Variants in KIR3DL3 observed in about 807,000 individuals in gnomAD.
The protein encoded by KIR3DL3 is killer cell immunoglobulin like receptor, three Ig domains and long cytoplasmic tail 3, also known as killer cell immunoglobulin-like receptor 3DL3.
A neutral mutation model predicts 34.9 loss-of-function variants in KIR3DL3; 27 were observed. The observed-to-expected ratio is 0.77, with a 90% CI of 0.57 to 1.07. KIR3DL3 has a LOEUF of 1.07. Ranked by LOEUF, KIR3DL3 falls within the 50% of genes least tolerant of loss-of-function variation. The pLI, the probability that KIR3DL3 is intolerant of heterozygous loss-of-function variation, is 0.00. For synonymous variants in KIR3DL3, 217 were observed against 200.2 expected, an observed-to-expected ratio of 1.08 and a Z score of -0.71; for missense variants, 681 against 528.5, an observed-to-expected ratio of 1.29 and a Z score of -2.83.
At chr19:54,731,770 G>T (rs2068820963) in intron 5 of KIR3DL3, among the ~76,000 whole-genome samples, 1 of 151,704 alleles carries the variant, frequency 6.6e-6, no homozygotes, top group Non-Finnish European at 1.5e-5. Context: ...CTTCCTCAAA[G>T]CCCACAAAGG....
In KIR3DL3 at chr19:54,729,540, C is replaced by T; in HGVS notation, c.703C>T (p.Gln235Ter). The change falls in exon 5 of 8, where the codon CAG becomes TAG. Residue 235 changes from glutamine (Q) to a stop codon, truncating the protein, a stop_gained. Coordinates refer to ENST00000291860, the MANE Select transcript of KIR3DL3 (RefSeq NM_153443.5). LOFTEE classifies it high-confidence loss of function. ...CTCAGCCCAGCCGGGCCCCACGGTT[C>T]AGGCAGGAGAGAATGTGACCTTGTC... ...SLSAQPGPTV[Q>*]AGENVTLSCS... 3.1e-6 allele frequency: 5 copies of T among 1,607,210 alleles called. No individual in the cohort carries two copies. The highest frequency in any genetic ancestry group is 4.2e-6 in the Non-Finnish European group (5 of 1,178,554).
chr19:54,729,114 G>GATAC (rs2068514970), intron 4 of KIR3DL3, among the ~76,000 whole-genome samples: 1 of 148,732 alleles, frequency 6.7e-6, no homozygotes, highest in Non-Finnish European at 1.5e-5. Context: ...ATAGATGATA[G>GATAC]ATACATACAT....
rs636129 is a variant in KIR3DL3, at chr19:54,730,241, G to T, written c.949+455G>T. On this transcript the variant is annotated intron_variant, in intron 5 of 7. Coordinates refer to ENST00000291860, the MANE Select transcript of KIR3DL3 (RefSeq NM_153443.5). Reference sequence around the variant, plus strand: ...TTTACCACCTTTACCATTTTTAAGTGTGAAGTCTACTGTTCATAAATACAT... The same window carrying T: ...TTTACCACCTTTACCATTTTTAAGTTTGAAGTCTACTGTTCATAAATACAT... Among the ~76,000 whole-genome samples, 1,164 of 151,194 alleles carry T rather than the reference G, an allele frequency of 7.7e-3. 8 individuals carry two copies. The highest frequency in any genetic ancestry group is 0.013 in the Non-Finnish European group (911 of 67,844).
At chr19:54,725,591 C>A (rs2068075552) in intron 2 of KIR3DL3, among the ~76,000 whole-genome samples, 2 of 152,224 alleles carry the variant, frequency 1.3e-5, no homozygotes, top group Middle Eastern at 3.4e-3. Flanking sequence ...GTGCAAGGAA[C>A]AACAGGCCTC....
Position 54,725,231 on chromosome 19 carries a change from T to A in KIR3DL3, c.35-16T>A. 1.3e-6 allele frequency: 2 copies of A among 1,590,526 alleles called. No homozygotes were observed. Among genetic ancestry groups the A allele is most frequent in the Non-Finnish European group, 1.7e-6 (2 of 1,167,696 alleles). On this transcript the variant is annotated splice_polypyrimidine_tract_variant and intron_variant, in intron 1 of 7. Coordinates refer to ENST00000291860, the MANE Select transcript of KIR3DL3 (RefSeq NM_153443.5). ...TGATGTACAGATGGATCATCCATCA[T>A]GATCTTTCTTTCCAGGGTTCTTCTT...
intron 5 of KIR3DL3, among the ~76,000 whole-genome samples, chr19:54,730,282 G>A (rs1352707296): frequency 4.0e-5 from 6 of 149,722 alleles, no homozygotes; most frequent in Non-Finnish European, 5.9e-5. Context: ...GGCTGGGCAC[G>A]GTGGCTCACG....
chr19:54,724,492 G>A lies in KIR3DL3; in HGVS notation c.-5G>A. Reference sequence around the variant, plus strand: ...GCGCAGCCGCCTGTCTGCACCGGCAGCACCATGTCGCTCATGGTCGTCAGC... The same window carrying A: ...GCGCAGCCGCCTGTCTGCACCGGCAACACCATGTCGCTCATGGTCGTCAGC... On this transcript the variant is annotated 5_prime_UTR_variant, in exon 1 of 8. Transcript: ENST00000291860. 3.1e-6 allele frequency: 5 copies of A among 1,613,090 alleles called. No homozygotes were observed. The highest frequency in any genetic ancestry group is 2.2e-5 in the South Asian group (2 of 91,056).
At chr19:54,735,434 C>T (rs1187717933) in intron 6 of KIR3DL3, 77 bp downstream of exon 6, 6 of 727,594 alleles carry the variant, frequency 8.2e-6, no homozygotes, top group African/African-American at 5.8e-5. Context: ...GGTGTGTGTT[C>T]CTCACAGACT....
Position 54,725,250 on chromosome 19 carries a change from T to G in KIR3DL3, c.38T>G (p.Phe13Cys). ...LMVVSMACVG[F>C]FLLEGPWPHV... ...CCATCATGATCTTTCTTTCCAGGGT[T>G]CTTCTTGCTGGAGGGGCCCTGGCCA... Residue 13 changes from phenylalanine to cysteine, a missense_variant, in exon 2 of 8, where the codon TTC (phenylalanine) becomes TGC (cysteine). Phe to Cys is a radical substitution (Grantham distance 205). Transcript: ENST00000291860. 1 of 1,587,336 alleles carries G rather than the reference T, an allele frequency of 6.3e-7. No individual in the cohort carries two copies. The highest frequency in any genetic ancestry group is 8.6e-7 in the Non-Finnish European group (1 of 1,164,680).
At position 54,736,024 on chromosome 19, in the gene KIR3DL3, C is replaced by G. The variant is rs746405337; in HGVS notation, c.1161C>G (p.Cys387Trp). 5 of 1,590,186 alleles carry G rather than the reference C, an allele frequency of 3.1e-6. No individual in the cohort carries two copies. Among genetic ancestry groups the G allele is most frequent in the Non-Finnish European group, 4.3e-6 (5 of 1,168,016 alleles). Residue 387 changes from cysteine (C) to tryptophan (W), a missense_variant, in exon 8 of 8, where the codon TGC becomes TGG. By Grantham distance (215) the Cys-to-Trp change is radical. Transcript: ENST00000291860. ...TGACATACGCACAGTTGAATCACTG[C>G]GTTTTCACACAGAGAAAAATCACTC... ...QEVTYAQLNHCVFTQRKITRP... is the reference protein window; with the variant it reads ...QEVTYAQLNHWVFTQRKITRP...
At chr19:54,731,140 G>A (rs2068749783) in intron 5 of KIR3DL3, among the ~76,000 whole-genome samples, 1 of 151,696 alleles carries the variant, frequency 6.6e-6, no homozygotes, top group African/African-American at 2.4e-5. Context: ...CCAAGTAGCT[G>A]GGTTACTGGC....
chr19:54,734,319 CAG>C lies in KIR3DL3; in HGVS notation c.950-932_950-931del, dbSNP rs796170223. ...ATCACTCACCGTCACTCCAGGGAGACAGAACACACAGAGAACACATTACACAG... is the reference window on the plus strand; with the variant it reads ...ATCACTCACCGTCACTCCAGGGAGACAACACACAGAGAACACATTACACAG... On this transcript the variant is annotated intron_variant, in intron 5 of 7. Coordinates refer to ENST00000291860, the MANE Select transcript of KIR3DL3 (RefSeq NM_153443.5). Among the ~76,000 whole-genome samples the C allele has an allele frequency of 4.2e-4, 64 of 151,486 alleles. 1 individual carries two copies. The highest frequency in any genetic ancestry group is 1.5e-3 in the African/African-American group (60 of 41,208).
In KIR3DL3 at chr19:54,735,291, G is replaced by T. The variant is rs774018743; in HGVS notation, c.988G>T (p.Val330Leu). The T allele has an allele frequency of 2.0e-6, 3 of 1,528,564 alleles. No homozygotes were observed. Among genetic ancestry groups the T allele is most frequent in the Non-Finnish European group, 2.7e-6 (3 of 1,108,538 alleles). The allele number at this position is 1,528,564 out of a possible 1,614,324, so 94.7% of individuals were successfully genotyped here. A position where few individuals can be genotyped will look rare whatever the true frequency, so the allele number is the denominator to read the frequency against. ...RNLHVLIGTS[V>L]VIIPFAILLF... ...CCTGCACGTTCTGATTGGGACCTCA[G>T]TGGTCATCATCCCCTTTGCTATCCT... Residue 330 changes from valine (V) to leucine (L), a missense_variant, in exon 6 of 8, where the codon GTG (valine) becomes TTG (leucine). Transcript: ENST00000291860.
chr19:54,732,244 G>GTTTTTTTTT (rs1486263883), intron 5 of KIR3DL3, among the ~76,000 whole-genome samples: 1 of 118,230 alleles, frequency 8.5e-6, no homozygotes, highest in African/African-American at 3.0e-5. Context: ...GTGTGTGTGT[G>GTTTTTTTTT]TGTTTTTTGT....
At chr19:54,731,550 C>T (rs1286423549) in intron 5 of KIR3DL3, among the ~76,000 whole-genome samples, 24 of 151,814 alleles carry the variant, frequency 1.6e-4, no homozygotes, top group Admixed American at 8.5e-4. Context: ...AACAAATTTC[C>T]ACAAGCTTCG....
intron 4 of KIR3DL3, among the ~76,000 whole-genome samples, chr19:54,728,608 A>G (rs2068455061): frequency 6.6e-6 from 1 of 152,236 alleles, no homozygotes; most frequent in Non-Finnish European, 1.5e-5. Context: ...AGAATGAGCC[A>G]GAAGAAGGGA....
In KIR3DL3 at chr19:54,724,519, T is replaced by C; in HGVS notation, c.23T>C (p.Met8Thr). 1.2e-5 allele frequency: 19 copies of C among 1,613,100 alleles called. No individual in the cohort carries two copies. The South Asian group carries it at 2.1e-4, about 18-fold the overall frequency. The change falls in exon 1 of 8, where the codon ATG becomes ACG. Residue 8 changes from methionine to threonine, a missense_variant. Transcript: ENST00000291860. MSLMVVSMACVGFFLLEG... is the reference protein window; with the variant it reads MSLMVVSTACVGFFLLEG... Reference sequence around the variant, plus strand: ...ACCATGTCGCTCATGGTCGTCAGCATGGCGTGTGTTGGTGAGTCCTGGAAG... The same window carrying C: ...ACCATGTCGCTCATGGTCGTCAGCACGGCGTGTGTTGGTGAGTCCTGGAAG...
At chr19:54,726,470 A>G in intron 3 of KIR3DL3, 133 bp downstream of exon 3, 1 of 1,167,134 alleles carries the variant, frequency 8.6e-7, no homozygotes, top group Non-Finnish European at 1.2e-6. Flanking sequence ...CAGTACAGAG[A>G]AATAGTTGCT....
intron 1 of KIR3DL3, among the ~76,000 whole-genome samples, 184 bp from the exon 2 acceptor site, chr19:54,725,063 G>T (rs2068007506): frequency 7.7e-6 from 1 of 129,534 alleles, no homozygotes; most frequent in Non-Finnish European, 1.7e-5. Context: ...AGAGATATAG[G>T]ACGGAGGTGG....
Sources: gnomAD v4.1 joint callset for allele counts (sites outside exome capture counted in the v4.1 genomes callset) on GRCh38, gnomAD v4.1.1 for gene constraint, MANE v1.5 for transcripts, NCBI Gene and HGNC (gene_info 2026-07-23, HGNC 2026-07-21) for gene names.